Variants in MICA observed in about 807,000 individuals in gnomAD.
MICA encodes MHC class I polypeptide-related sequence A, also known as HLA class I antigen.
Under a neutral mutation model 34.3 loss-of-function variants are expected in MICA, and 18 were observed. The ratio of observed to expected loss-of-function variants is 0.52; its 90% CI spans 0.36 to 0.78. MICA has a LOEUF of 0.78. Ranked by LOEUF, MICA falls within the 30% of genes least tolerant of loss-of-function variation. The pLI is 0.00. For missense variants in MICA, 333 were observed against 409.4 expected, an observed-to-expected ratio of 0.81 and a Z score of 1.61; for synonymous variants, 135 against 156.9, an observed-to-expected ratio of 0.86 and a Z score of 1.04.
At chr6:31,410,435 G>A (rs17206490) in intron 1 of MICA, 108 bp from the exon 2 acceptor site, 20 of 1,375,100 alleles carry the variant, frequency 1.5e-5, no homozygotes, top group African/African-American at 3.3e-5. Flanking sequence ...CCCTTTGCCC[G>A]TGTGCATTTC....
At chr6:31,412,601 A>G (rs1706088044) in intron 5 of MICA, 141 bp downstream of exon 5, 1 of 654,710 alleles carries the variant, frequency 1.5e-6, no homozygotes, top group South Asian at 2.0e-5. Flanking sequence ...TGGGAAGGGA[A>G]TGGGGGCAGC....
At chr6:31,412,301 G>T in intron 4 of MICA, 24 bp from the exon 5 acceptor site, 2 of 1,595,658 alleles carry the variant, frequency 1.3e-6, no homozygotes, top group Non-Finnish European at 1.7e-6. Flanking sequence ...TCTGCCCAGT[G>T]TATAACAAGT....
chr6:31,414,241 G>A (rs1476643207), intron 5 of MICA, among the ~76,000 whole-genome samples: 2 of 151,616 alleles, frequency 1.3e-5, no homozygotes, highest in Non-Finnish European at 2.9e-5. Context: ...AGGTTGCAAG[G>A]GCAGTGGCCG....
At chr6:31,401,197 A>C (rs1164710850), upstream of MICA, among the ~76,000 whole-genome samples, 14 of 151,630 alleles carry the variant, frequency 9.2e-5, no homozygotes, top group Non-Finnish European at 2.1e-4. Flanking sequence ...CCAGTCTCTC[A>C]CTAGGCTTAT....
At chr6:31,414,670 G>A (rs1771409660) in intron 5 of MICA, among the ~76,000 whole-genome samples, 1 of 151,954 alleles carries the variant, frequency 6.6e-6, no homozygotes, top group African/African-American at 2.4e-5. Context: ...CAAGGGTCAG[G>A]GCCTCTCTTT....
chr6:31,411,228 T>G lies in MICA; in HGVS notation c.482T>G (p.Leu161Trp). The part of the protein sequence containing the change: ...TVPQSSRAQT[L>W]AMNVRNFLKE... Reference sequence around the variant, plus strand: ...CCCCAGTCCTCCAGAGCTCAGACCTTGGCCATGAACGTCAGGAATTTCTTG... The same window carrying G: ...CCCCAGTCCTCCAGAGCTCAGACCTGGGCCATGAACGTCAGGAATTTCTTG... The change falls in exon 3 of 6, where the codon TTG becomes TGG. Residue 161 changes from leucine to tryptophan, a missense_variant. Leu to Trp is a moderately conservative substitution (Grantham distance 61). Transcript: ENST00000449934. The surrounding 1 kb of genome is among the most constrained non-coding windows in gnomAD (Gnocchi z 4.3). 1.2e-6 allele frequency: 2 copies of G among 1,613,254 alleles called. No individual in the cohort carries two copies. The highest frequency in any genetic ancestry group is 1.7e-6 in the Non-Finnish European group (2 of 1,179,948).
chr6:31,415,292 G>A lies in MICA; in HGVS notation c.*310G>A, dbSNP rs1771460408. On this transcript the variant is annotated 3_prime_UTR_variant, in exon 6 of 6. Transcript: ENST00000449934. ...GCTGCAAAATGTTAGTAGATATGAGGCATTTGCAGCTGTGCCATATTAATT... is the reference window on the plus strand; with the variant it reads ...GCTGCAAAATGTTAGTAGATATGAGACATTTGCAGCTGTGCCATATTAATT... 1 of 496,990 alleles carries A rather than the reference G, an allele frequency of 2.0e-6. No homozygotes were observed. The highest frequency in any genetic ancestry group is 2.0e-5 in the African/African-American group (1 of 50,074). The allele number at this position is 496,990 out of a possible 1,614,324, so 30.8% of individuals were successfully genotyped here. A position where few individuals can be genotyped will look rare whatever the true frequency, so the allele number is the denominator to read the frequency against.
chr6:31,408,502 T>G (rs1427736413), intron 1 of MICA, among the ~76,000 whole-genome samples: 6 of 149,370 alleles, frequency 4.0e-5, no homozygotes, highest in Non-Finnish European at 8.9e-5. Flanking sequence ...TTTAAGTGTA[T>G]ACTCGGTGGC....
chr6:31,411,259 AG>A lies in MICA; in HGVS notation c.514del (p.Asp172MetfsTer3). On this transcript the variant is annotated frameshift_variant, in exon 3 of 6. Coordinates refer to ENST00000449934, the MANE Select transcript of MICA (RefSeq NM_001177519.3). LOFTEE classifies it high-confidence loss of function. This position sits in a 1 kb window ranked among gnomAD's most constrained non-coding sequence, Gnocchi z 4.3. Reference sequence around the variant, plus strand: ...TGAACGTCAGGAATTTCTTGAAGGAAGATGCCATGAAGACCAAGACACACTA... The same window carrying A: ...TGAACGTCAGGAATTTCTTGAAGGAAATGCCATGAAGACCAAGACACACTA... Reference protein sequence around the residue: ...AMNVRNFLKEDAMKTKTHYHA... With the variant: ...AMNVRNFLKEXAMKTKTHYHA... 6.2e-7 allele frequency: 1 copy of A among 1,612,492 alleles called. No individual in the cohort carries two copies. The highest frequency in any genetic ancestry group is 1.1e-5 in the South Asian group (1 of 90,876).
chr6:31,411,441 C>T lies in MICA; in HGVS notation c.613+82C>T. ...CCTCCCAGATGTGTCCAGGGAAACC[C>T]TCCCTGTGCTATGGATGAAGGCATT... On this transcript the variant is annotated intron_variant, in intron 3 of 5. Coordinates refer to ENST00000449934, the MANE Select transcript of MICA (RefSeq NM_001177519.3). This position sits in a 1 kb window ranked among gnomAD's most constrained non-coding sequence, Gnocchi z 4.3. 5 of 1,328,850 alleles carry T rather than the reference C, an allele frequency of 3.8e-6. No homozygotes were observed. The highest frequency in any genetic ancestry group is 5.1e-6 in the Non-Finnish European group (5 of 984,498). 82.3% of individuals were successfully genotyped at this position (1,328,850 alleles called of 1,614,324 possible).
At chr6:31,401,718 C>A (rs1300740689), upstream of MICA, among the ~76,000 whole-genome samples, 1 of 150,524 alleles carries the variant, frequency 6.6e-6, no homozygotes, top group Admixed American at 6.6e-5. Flanking sequence ...AAGGTTCAAA[C>A]CACGGGCTAA....
intron 1 of MICA, among the ~76,000 whole-genome samples, chr6:31,406,058 C>T (rs185734199): frequency 6.6e-6 from 1 of 151,968 alleles, no homozygotes. Context: ...GAGTATATGC[C>T]TAACAGTGGG....
chr6:31,409,323 A>AGTGTGTGTGTGTGTGTGTGTGTGTG (rs1770941446), intron 1 of MICA, among the ~76,000 whole-genome samples: 1 of 140,076 alleles, frequency 7.1e-6, no homozygotes, highest in Non-Finnish European at 1.5e-5. Context: ...GTGTGTGTGT[A>AGTGTGTGTGTGTGTGTGTGTGTGTG]TGTGTGTGTG....
In MICA at chr6:31,411,945, A is replaced by G. The variant is rs1771179689; in HGVS notation, c.614-2A>G. ...TCACTGGCTCTGCCCTTTCTTCTCCAGTGCCCCCCATGGTGAATGTCACCC... is the reference window on the plus strand; with the variant it reads ...TCACTGGCTCTGCCCTTTCTTCTCCGGTGCCCCCCATGGTGAATGTCACCC... On this transcript the variant is annotated splice_acceptor_variant, in intron 3 of 5. Coordinates refer to ENST00000449934, the MANE Select transcript of MICA (RefSeq NM_001177519.3). LOFTEE classifies it high-confidence loss of function. This position sits in a 1 kb window ranked among gnomAD's most constrained non-coding sequence, Gnocchi z 4.3. 6.2e-7 allele frequency: 1 copy of G among 1,610,362 alleles called. No homozygotes were observed. Among genetic ancestry groups the G allele is most frequent in the Non-Finnish European group, 8.5e-7 (1 of 1,178,328 alleles).
At position 31,409,407 on chromosome 6, in the gene MICA, A is replaced by G. The variant is rs1317191725; in HGVS notation, c.71-1136A>G. 2.0e-5 allele frequency among the ~76,000 whole-genome samples: 3 copies of G among 150,540 alleles called. No individual in the cohort carries two copies. In the East Asian group the frequency reaches 5.9e-4, roughly 30 times the overall value. ...TGTGGTTTGGATTTGCATTTTCCTA[A>G]TGAGTGCTGATATTGAGCATCTTTT... On this transcript the variant is annotated intron_variant, in intron 1 of 5. Coordinates refer to ENST00000449934, the MANE Select transcript of MICA (RefSeq NM_001177519.3).
At position 31,403,597 on chromosome 6, in the gene MICA, T is replaced by G; in HGVS notation, c.-36T>G. The G allele has an allele frequency of 4.1e-6, 6 of 1,469,020 alleles. No homozygotes were observed. Among genetic ancestry groups the G allele is most frequent in the Non-Finnish European group, 5.4e-6 (6 of 1,112,410 alleles). The allele number at this position is 1,469,020 out of a possible 1,614,324, so 91.0% of individuals were successfully genotyped here. ...TCCGCGGCGCCTTCTCCCCGGCCAC[T>G]GCTTGAGCCGCTGAGAGGGTGGCGA... On this transcript the variant is annotated 5_prime_UTR_variant, in exon 1 of 6. Coordinates refer to ENST00000449934, the MANE Select transcript of MICA (RefSeq NM_001177519.3). The surrounding 1 kb of genome is among the most constrained non-coding windows in gnomAD (Gnocchi z 4.7).
At chr6:31,414,880 A>G (rs1771423244) in intron 5 of MICA, 132 bp from the exon 6 acceptor site, 1 of 685,164 alleles carries the variant, frequency 1.5e-6, no homozygotes, top group East Asian at 3.2e-5. Context: ...GGAAGAAAAA[A>G]GTGGGGGCCT....
At chr6:31,410,234 T>C (rs1771021495) in intron 1 of MICA, among the ~76,000 whole-genome samples, 1 of 151,920 alleles carries the variant, frequency 6.6e-6, no homozygotes, top group African/African-American at 2.4e-5. Context: ...ACCACCTTCA[T>C]GCTCCTCCCT....
At position 31,411,833 on chromosome 6, in the gene MICA, CA is replaced by C; in HGVS notation, c.614-113del. 2 of 1,448,510 alleles carry C rather than the reference CA, an allele frequency of 1.4e-6. No individual in the cohort carries two copies. The highest frequency in any genetic ancestry group is 1.8e-6 in the Non-Finnish European group (2 of 1,093,652). 89.7% of individuals were successfully genotyped at this position (1,448,510 alleles called of 1,614,324 possible). A position where few individuals can be genotyped will look rare whatever the true frequency, so the allele number is the denominator to read the frequency against. On this transcript the variant is annotated intron_variant, in intron 3 of 5. Coordinates refer to ENST00000449934, the MANE Select transcript of MICA (RefSeq NM_001177519.3). The surrounding 1 kb of genome is among the most constrained non-coding windows in gnomAD (Gnocchi z 4.3). ...CCAGAGTGAGGACAGACTTGCAGGT[CA>C]GGGGTCCCGGAGGGCTTCAGCCAGA...
Sources: allele counts gnomAD v4.1 joint callset (sites outside exome capture counted in the v4.1 genomes callset), GRCh38; gene constraint gnomAD v4.1.1; non-coding constraint Gnocchi (gnomAD v3.1); transcripts MANE v1.5; gene names NCBI Gene and HGNC (gene_info 2026-07-23, HGNC 2026-07-21).